Variants in PARD3 observed in about 807,000 individuals in gnomAD.
The protein encoded by PARD3 is par-3 family cell polarity regulator.
Under a neutral mutation model 155.4 loss-of-function variants are expected in PARD3, and 75 were observed. The ratio of observed to expected loss-of-function variants is 0.48; its 90% CI spans 0.40 to 0.58. The LOEUF (loss-of-function observed/expected upper bound fraction) is 0.58, where lower values mean the gene tolerates loss of function less well. PARD3 is among the 20% of genes least tolerant of loss of function. PARD3 has a pLI of 0.00. For synonymous variants in PARD3, 576 were observed against 610.5 expected, an observed-to-expected ratio of 0.94 and a Z score of 0.83; for missense variants, 1,642 against 1,721.7, an observed-to-expected ratio of 0.95 and a Z score of 0.82.
chr10:34,214,134 C>T (rs999733531), intron 22 of PARD3, among the ~76,000 whole-genome samples: 7 of 152,046 alleles, frequency 4.6e-5, no homozygotes, highest in South Asian at 4.2e-4. Flanking sequence ...CTCCTAGCTT[C>T]GAGTGATACT....
At chr10:34,114,785 C>T (rs544767355) in intron 24 of PARD3, among the ~76,000 whole-genome samples, 27 of 152,330 alleles carry the variant, frequency 1.8e-4, no homozygotes, top group Middle Eastern at 3.4e-3. Context: ...AGAGATCAGA[C>T]GGAAGCCCAT....
intron 22 of PARD3, among the ~76,000 whole-genome samples, chr10:34,243,661 C>T (rs1236689594): frequency 1.3e-5 from 2 of 152,130 alleles, no homozygotes; most frequent in Admixed American, 1.3e-4. Context: ...CATGGTGAAG[C>T]CCCGTCTCTA....
intron 1 of PARD3, among the ~76,000 whole-genome samples, chr10:34,773,031 C>A (rs1043182390): frequency 6.6e-6 from 1 of 152,070 alleles, no homozygotes; most frequent in Non-Finnish European, 1.5e-5. Context: ...TAGAACCACA[C>A]GGCACACCAA....
At chr10:34,744,719 G>A (rs929996438) in intron 1 of PARD3, among the ~76,000 whole-genome samples, 4 of 152,250 alleles carry the variant, frequency 2.6e-5, no homozygotes, top group Admixed American at 2.6e-4. Context: ...AATCTCAGTA[G>A]TCAAGAGAAA....
intron 1 of PARD3, among the ~76,000 whole-genome samples, chr10:34,724,210 T>G (rs2094659009): frequency 6.6e-6 from 1 of 152,326 alleles, no homozygotes; most frequent in African/African-American, 2.4e-5. Flanking sequence ...GTTTAATTAT[T>G]TATCTCTCAG....
chr10:34,199,779 A>C (rs1462549420), intron 22 of PARD3, among the ~76,000 whole-genome samples: 1 of 152,186 alleles, frequency 6.6e-6, no homozygotes, highest in Non-Finnish European at 1.5e-5. Flanking sequence ...GAACCGGAGA[A>C]ATCAGTAACT....
chr10:34,666,478 C>A (rs2093473898), intron 2 of PARD3, among the ~76,000 whole-genome samples: 1 of 151,898 alleles, frequency 6.6e-6, no homozygotes, highest in South Asian at 2.1e-4. Context: ...AGGTGGCACT[C>A]GAGGAATTGC....
At chr10:34,723,738 CTG>C (rs1271390849) in intron 1 of PARD3, among the ~76,000 whole-genome samples, 2 of 152,212 alleles carry the variant, frequency 1.3e-5, no homozygotes, top group Non-Finnish European at 2.9e-5. Flanking sequence ...TTCTAGTACA[CTG>C]TGTTTTAAAA....
chr10:34,415,781 G>T (rs1410150824), intron 5 of PARD3, among the ~76,000 whole-genome samples: 1 of 152,148 alleles, frequency 6.6e-6, no homozygotes, highest in Admixed American at 6.5e-5. Context: ...CAACAAAGTG[G>T]TCCTGAACAT....
intron 2 of PARD3, among the ~76,000 whole-genome samples, chr10:34,668,822 A>G (rs2093553023): frequency 6.6e-6 from 1 of 151,916 alleles, no homozygotes. Flanking sequence ...AAAATTTTTA[A>G]AAGTTTGATT....
intron 2 of PARD3, among the ~76,000 whole-genome samples, chr10:34,550,017 C>G (rs1364484412): frequency 6.6e-6 from 1 of 152,126 alleles, no homozygotes; most frequent in Non-Finnish European, 1.5e-5. Context: ...CACCAAGAGC[C>G]TTGCTGGACC....
chr10:34,350,927 T>A (rs190566968), intron 14 of PARD3, among the ~76,000 whole-genome samples: 1 of 152,136 alleles, frequency 6.6e-6, no homozygotes, highest in African/African-American at 2.4e-5. Flanking sequence ...GGAAATATAT[T>A]ACCACAGGGC....
intron 1 of PARD3, among the ~76,000 whole-genome samples, chr10:34,731,198 C>G (rs758988563): frequency 2.6e-5 from 4 of 152,182 alleles, no homozygotes; most frequent in Non-Finnish European, 2.9e-5. Flanking sequence ...ATTAAGACAT[C>G]TTCTTTTAGG....
intron 2 of PARD3, among the ~76,000 whole-genome samples, chr10:34,566,290 C>T (rs970393486): frequency 6.6e-6 from 1 of 152,212 alleles, no homozygotes; most frequent in Non-Finnish European, 1.5e-5. Context: ...TCATTCAAAG[C>T]ATCTGCAAAG....
intron 5 of PARD3, among the ~76,000 whole-genome samples, chr10:34,429,181 A>G (rs2075772806): frequency 6.6e-6 from 1 of 152,164 alleles, no homozygotes; most frequent in African/African-American, 2.4e-5. Flanking sequence ...AGAAAATAAA[A>G]TCTCAGAAAC....
At chr10:34,310,511 C>T (rs946873382) in intron 20 of PARD3, among the ~76,000 whole-genome samples, 5 of 152,136 alleles carry the variant, frequency 3.3e-5, no homozygotes, top group Non-Finnish European at 5.9e-5. Context: ...ATATTCATGC[C>T]ACAGGTCTAT....
At chr10:34,499,857 T>C (rs923825105) in intron 3 of PARD3, among the ~76,000 whole-genome samples, 1 of 152,182 alleles carries the variant, frequency 6.6e-6, no homozygotes, top group Non-Finnish European at 1.5e-5. Context: ...GGATATGACA[T>C]AGCATAGTAT....
chr10:34,809,795 T>G (rs1276602933), intron 1 of PARD3, among the ~76,000 whole-genome samples: 2 of 152,178 alleles, frequency 1.3e-5, no homozygotes, highest in African/African-American at 4.8e-5. Flanking sequence ...TTTTTCCTTT[T>G]TAGAGGGAAG....
chr10:34,370,789 T>C (rs1034078288), intron 12 of PARD3, among the ~76,000 whole-genome samples: 5 of 149,186 alleles, frequency 3.4e-5, no homozygotes, highest in African/African-American at 1.2e-4. Flanking sequence ...AACTATTTCA[T>C]GGTACAGATA....
Sources: gnomAD v4.1 joint callset for allele counts (sites outside exome capture counted in the v4.1 genomes callset) on GRCh38, gnomAD v4.1.1 for gene constraint, MANE v1.5 for transcripts, NCBI Gene and HGNC (gene_info 2026-07-23, HGNC 2026-07-21) for gene names.